Variants in RASGRF2 observed in about 807,000 individuals in gnomAD.
RASGRF2 encodes the protein Ras protein specific guanine nucleotide releasing factor 2.
A neutral mutation model predicts 151.0 loss-of-function variants in RASGRF2; 76 were observed. That is an observed-to-expected ratio of 0.50 (90% CI 0.42 to 0.61). RASGRF2 has a LOEUF of 0.61. Among genes scored for constraint, RASGRF2 ranks in the 20% least tolerant of loss-of-function variants. RASGRF2 has a pLI of 0.00. For missense variants in RASGRF2, 1,148 were observed against 1,564.6 expected (o/e 0.73, Z 4.49); for synonymous variants, 504 against 566.5 (o/e 0.89, Z 1.57).
At chr5:81,161,253 C>T (rs1014702876) in intron 17 of RASGRF2, among the ~76,000 whole-genome samples, 3 of 152,120 alleles carry the variant, frequency 2.0e-5, no homozygotes, top group Non-Finnish European at 4.4e-5. Context: ...GCCACTGCAC[C>T]TTAGCAAGAC....
chr5:80,979,434 G>A (rs1047953023), intron 1 of RASGRF2, among the ~76,000 whole-genome samples: 1 of 151,290 alleles, frequency 6.6e-6, no homozygotes, highest in South Asian at 2.1e-4. Flanking sequence ...CCATATGAAG[G>A]CACAAAGTAG....
chr5:81,069,068 T>C (rs26906), intron 3 of RASGRF2, among the ~76,000 whole-genome samples: 130,451 of 152,222 alleles, frequency 0.86, 56,463 homozygotes, highest in Non-Finnish European at 0.93. Flanking sequence ...AGTTTAGGCT[T>C]GTCAGTTTTG....
intron 17 of RASGRF2, among the ~76,000 whole-genome samples, chr5:81,166,855 A>G (rs1468775875): frequency 6.6e-6 from 1 of 152,148 alleles, no homozygotes; most frequent in African/African-American, 2.4e-5. Flanking sequence ...CATTGAGCTA[A>G]GCCGATTTAA....
At chr5:80,977,617 C>T (rs1246056827) in intron 1 of RASGRF2, among the ~76,000 whole-genome samples, 6 of 152,058 alleles carry the variant, frequency 3.9e-5, no homozygotes, top group South Asian at 2.1e-4. Flanking sequence ...CCACCACACC[C>T]GGCTAATTTT....
At chr5:80,990,520 G>T (rs1374731483) in intron 1 of RASGRF2, among the ~76,000 whole-genome samples, 1 of 152,136 alleles carries the variant, frequency 6.6e-6, no homozygotes. Flanking sequence ...CCTATCTGCC[G>T]GGGGCATTTT....
intron 18 of RASGRF2, among the ~76,000 whole-genome samples, chr5:81,187,775 A>T (rs551346266): frequency 7.2e-5 from 11 of 152,130 alleles, no homozygotes; most frequent in Non-Finnish European, 1.3e-4. Flanking sequence ...CAGGGATCAG[A>T]TTTTCCCAGA....
At chr5:81,155,428 C>G (rs1330456870) in intron 17 of RASGRF2, among the ~76,000 whole-genome samples, 1 of 151,978 alleles carries the variant, frequency 6.6e-6, no homozygotes, top group African/African-American at 2.4e-5. Context: ...TTAAGAAGAT[C>G]AACAAAACTG....
chr5:81,087,230 G>A, intron 9 of RASGRF2: 1 of 703,112 alleles, frequency 1.4e-6, no homozygotes, highest in South Asian at 1.5e-5. Context: ...ATTCTCTGCA[G>A]CTCCAAGGAG....
At chr5:81,159,415 G>A (rs142424650) in intron 17 of RASGRF2, among the ~76,000 whole-genome samples, 12 of 152,220 alleles carry the variant, frequency 7.9e-5, no homozygotes, top group Non-Finnish European at 1.3e-4. Flanking sequence ...CAGGCAGCAG[G>A]TAGTTTGCTG....
At chr5:81,010,908 T>C (rs572210632) in intron 1 of RASGRF2, among the ~76,000 whole-genome samples, 25 of 152,350 alleles carry the variant, frequency 1.6e-4, no homozygotes, top group Admixed American at 1.4e-3. Flanking sequence ...TTTCTACTTC[T>C]AAATAAATGC....
intron 5 of RASGRF2, 98 bp from the exon 6 acceptor site, chr5:81,080,023 A>G: frequency 7.0e-7 from 1 of 1,432,068 alleles, no homozygotes; most frequent in Non-Finnish European, 9.2e-7. Flanking sequence ...TATGGGACAT[A>G]TATATTATGT....
chr5:81,015,115 G>A (rs566894960), intron 1 of RASGRF2, among the ~76,000 whole-genome samples: 1 of 152,162 alleles, frequency 6.6e-6, no homozygotes, highest in South Asian at 2.1e-4. Flanking sequence ...CATACAGATT[G>A]CCAACCATCT....
chr5:81,100,158 CG>C (rs1283962021), intron 12 of RASGRF2, among the ~76,000 whole-genome samples: 1 of 152,094 alleles, frequency 6.6e-6, no homozygotes, highest in African/African-American at 2.4e-5. Flanking sequence ...CCACCCGCCT[CG>C]GCCTTCCAAA....
intron 23 of RASGRF2, among the ~76,000 whole-genome samples, chr5:81,213,394 G>C (rs529579280): frequency 6.6e-6 from 1 of 152,132 alleles, no homozygotes; most frequent in African/African-American, 2.4e-5. Flanking sequence ...AGGCTCTCAC[G>C]TCCCATTGGT....
chr5:80,986,561 C>G (rs1242333891), intron 1 of RASGRF2, among the ~76,000 whole-genome samples: 1 of 152,184 alleles, frequency 6.6e-6, no homozygotes, highest in Non-Finnish European at 1.5e-5. Flanking sequence ...TTTTTAGTCT[C>G]CATATTCAAA....
intron 1 of RASGRF2, among the ~76,000 whole-genome samples, chr5:81,002,341 T>TG (rs1561547907): frequency 6.6e-6 from 1 of 152,216 alleles, no homozygotes; most frequent in Admixed American, 6.5e-5. Context: ...TGCTTTGTTT[T>TG]GATCGAAGTA....
At chr5:81,072,861 A>T (rs996171672) in intron 4 of RASGRF2, among the ~76,000 whole-genome samples, 1 of 152,162 alleles carries the variant, frequency 6.6e-6, no homozygotes, top group Non-Finnish European at 1.5e-5. Flanking sequence ...TATTTTATAG[A>T]TGAAGAAACA....
intron 24 of RASGRF2, chr5:81,216,839 G>A: frequency 1.6e-5 from 5 of 317,998 alleles, no homozygotes; most frequent in Non-Finnish European, 3.2e-5. Flanking sequence ...AAACAAAACA[G>A]TGTCTCACCT....
intron 22 of RASGRF2, among the ~76,000 whole-genome samples, chr5:81,209,650 G>A (rs1489286101): frequency 6.6e-6 from 1 of 152,192 alleles, no homozygotes; most frequent in Non-Finnish European, 1.5e-5. Flanking sequence ...TGCCTGCCCT[G>A]AGAAACAGAT....
Sources: gnomAD v4.1 joint callset for allele counts (sites outside exome capture counted in the v4.1 genomes callset) on GRCh38, gnomAD v4.1.1 for gene constraint, MANE v1.5 for transcripts, NCBI Gene and HGNC (gene_info 2026-07-23, HGNC 2026-07-21) for gene names.